Variants in TRPM3 observed in about 807,000 individuals in gnomAD.
The protein encoded by TRPM3 is long transient receptor potential channel 3.
TRPM3 carries 77 observed loss-of-function variants against 181.2 expected under a neutral mutation model. The observed-to-expected ratio is 0.42, with a 90% CI of 0.35 to 0.51. The LOEUF (loss-of-function observed/expected upper bound fraction) is 0.51. Ranked by LOEUF, TRPM3 falls within the 20% of genes least tolerant of loss-of-function variation. The pLI, the probability that TRPM3 is intolerant of heterozygous loss-of-function variation, is 0.01. For missense variants in TRPM3, 1,759 were observed against 2,196.7 expected (o/e 0.80, Z 3.98); for synonymous variants, 745 against 796.4 (o/e 0.94, Z 1.09).
intron 1 of TRPM3, among the ~76,000 whole-genome samples, chr9:71,232,908 A>G (rs1285297568): frequency 1.3e-5 from 2 of 152,114 alleles, no homozygotes; most frequent in Non-Finnish European, 2.9e-5. Flanking sequence ...CTGAGCTAAC[A>G]TTCCAGTCCC....
At chr9:70,806,436 T>C (rs1342709707) in intron 6 of TRPM3, among the ~76,000 whole-genome samples, 5 of 152,152 alleles carry the variant, frequency 3.3e-5, no homozygotes, top group Non-Finnish European at 5.9e-5. Context: ...CTCACGCCTG[T>C]AATCCCAGCA....
chr9:71,310,008 T>G (rs2087763234), intron 1 of TRPM3, among the ~76,000 whole-genome samples: 1 of 152,042 alleles, frequency 6.6e-6, no homozygotes, highest in Non-Finnish European at 1.5e-5. Flanking sequence ...GTGTAACATA[T>G]TAAGGCAGAT....
chr9:70,651,115 C>T lies in TRPM3; in HGVS notation c.1346-10455G>A, dbSNP rs11142530. Among the ~76,000 whole-genome samples the T allele has an allele frequency of 5.1e-3, 772 of 152,136 alleles. 6 individuals are homozygous for T. The highest frequency in any genetic ancestry group is 0.045 in the East Asian group (231 of 5,160). ...GAAAAGGTGTGTACAAAGAGACCAACGTTCGGGTTATATAGTTCTGTAAAA... is the reference window on the plus strand; with the variant it reads ...GAAAAGGTGTGTACAAAGAGACCAATGTTCGGGTTATATAGTTCTGTAAAA... On this transcript the variant is annotated intron_variant, in intron 9 of 25. Transcript: ENST00000677713.
chr9:70,614,866 G>A (rs1178909787), intron 18 of TRPM3, among the ~76,000 whole-genome samples: 1 of 152,212 alleles, frequency 6.6e-6, no homozygotes, highest in African/African-American at 2.4e-5. Context: ...TCTATTCAGA[G>A]GACAAAACTA....
chr9:71,063,761 A>G (rs1045006447), intron 1 of TRPM3, among the ~76,000 whole-genome samples: 4 of 152,150 alleles, frequency 2.6e-5, no homozygotes, highest in Admixed American at 2.6e-4. Context: ...TGCAGTATAA[A>G]AAGACTGGCA....
At chr9:71,350,485 T>C (rs2091561032) in intron 1 of TRPM3, among the ~76,000 whole-genome samples, 1 of 152,216 alleles carries the variant, frequency 6.6e-6, no homozygotes, top group Non-Finnish European at 1.5e-5. Context: ...TCGCTTCCCT[T>C]GATTGTGAAA....
intron 1 of TRPM3, among the ~76,000 whole-genome samples, chr9:71,243,821 G>C (rs1363998502): frequency 1.3e-5 from 2 of 152,100 alleles, no homozygotes; most frequent in Non-Finnish European, 2.9e-5. Context: ...ATATTCAAAA[G>C]TTATAAACAA....
chr9:71,281,790 G>A lies in TRPM3; in HGVS notation c.183+164863C>T, dbSNP rs146172555. On this transcript the variant is annotated intron_variant, in intron 1 of 24. Coordinates refer to the TRPM3 transcript ENST00000357533. Reference sequence around the variant, plus strand: ...AGATATGAAAATTGTGGCCAGGTGCGGTGGATCACACCTGTAATCCCAGCA... The same window carrying A: ...AGATATGAAAATTGTGGCCAGGTGCAGTGGATCACACCTGTAATCCCAGCA... Among the ~76,000 whole-genome samples the A allele has an allele frequency of 8.8e-3, 1,341 of 152,170 alleles. 27 individuals are homozygous for A. The highest frequency in any genetic ancestry group is 0.031 in the African/African-American group (1,281 of 41,480).
At chr9:70,870,604 A>G (rs1312825321) in intron 1 of TRPM3, among the ~76,000 whole-genome samples, 1 of 152,046 alleles carries the variant, frequency 6.6e-6, no homozygotes, top group Non-Finnish European at 1.5e-5. Flanking sequence ...TATAATACAG[A>G]AAAAGTGGAA....
At chr9:71,369,372 A>G (rs978109086) in intron 1 of TRPM3, among the ~76,000 whole-genome samples, 2 of 152,238 alleles carry the variant, frequency 1.3e-5, no homozygotes, top group Non-Finnish European at 2.9e-5. Context: ...GCACTTGAAA[A>G]TATAAATAAA....
At chr9:71,134,809 G>C (rs138457874) in intron 1 of TRPM3, among the ~76,000 whole-genome samples, 167 of 152,286 alleles carry the variant, frequency 1.1e-3, no homozygotes, top group African/African-American at 3.8e-3. Context: ...TAGAGACTTT[G>C]AAGCTCAGAG....
At chr9:70,652,050 G>A (rs2059662083) in intron 9 of TRPM3, among the ~76,000 whole-genome samples, 2 of 152,070 alleles carry the variant, frequency 1.3e-5, no homozygotes. Context: ...TGAATAGATC[G>A]ACATGGGGTT....
At chr9:71,402,975 A>C (rs1212005070) in intron 1 of TRPM3, among the ~76,000 whole-genome samples, 11 of 152,224 alleles carry the variant, frequency 7.2e-5, no homozygotes, top group African/African-American at 2.7e-4. Context: ...GACAAAGACA[A>C]GATACAATCC....
intron 9 of TRPM3, among the ~76,000 whole-genome samples, chr9:70,644,355 A>G (rs2058497766): frequency 6.6e-6 from 1 of 152,214 alleles, no homozygotes; most frequent in Non-Finnish European, 1.5e-5. Flanking sequence ...ATGTCCCCAC[A>G]ATAGAAGTAT....
intron 8 of TRPM3, among the ~76,000 whole-genome samples, chr9:70,757,984 A>G (rs1479859448): frequency 2.0e-5 from 3 of 152,224 alleles, no homozygotes; most frequent in African/African-American, 7.2e-5. Flanking sequence ...GGCCAGGTCA[A>G]TTGGGCAAGA....
At chr9:70,846,636 G>T (rs1184533903) in intron 3 of TRPM3, 45 bp from the exon 4 acceptor site, 1 of 1,526,702 alleles carries the variant, frequency 6.6e-7, no homozygotes, top group Admixed American at 1.7e-5. Flanking sequence ...GGCAGGACTG[G>T]CTGAGGCTGG....
intron 1 of TRPM3, among the ~76,000 whole-genome samples, chr9:70,898,756 AAAAAAAAAAAG>A (rs2096333603): frequency 6.6e-6 from 1 of 150,874 alleles, no homozygotes. Flanking sequence ...TCAAAAAAAA[AAAAAAAAAAAG>A]AAAAGAAAAG....
intron 5 of TRPM3, among the ~76,000 whole-genome samples, chr9:70,831,842 A>T (rs2131763289): frequency 6.6e-6 from 1 of 150,940 alleles, no homozygotes; most frequent in African/African-American, 2.4e-5. Context: ...TAACTTAAAG[A>T]ATGTAACTGA....
chr9:70,942,376 G>T (rs2096894409), intron 1 of TRPM3, among the ~76,000 whole-genome samples: 1 of 152,126 alleles, frequency 6.6e-6, no homozygotes, highest in Admixed American at 6.5e-5. Context: ...AGGCCAAAAT[G>T]CATGGAGTTC....
Sources: gnomAD v4.1 joint callset for allele counts (sites outside exome capture counted in the v4.1 genomes callset) on GRCh38, gnomAD v4.1.1 for gene constraint, MANE v1.5 for transcripts, NCBI Gene and HGNC (gene_info 2026-07-23, HGNC 2026-07-21) for gene names.